Variants in TBCA observed in about 807,000 individuals in gnomAD.
The protein encoded by TBCA is tubulin folding cofactor A, also known as tubulin-specific chaperone A.
In TBCA, 6 loss-of-function variants were observed where a neutral mutation model predicts 15.8. The observed-to-expected ratio is 0.38, with a 90% CI of 0.21 to 0.75. TBCA has a LOEUF of 0.75. Among genes scored for constraint, TBCA ranks in the 30% least tolerant of loss-of-function variants. The pLI is 0.46. For synonymous variants in TBCA, 32 were observed against 42.3 expected (o/e 0.76, Z 0.94); for missense variants, 90 against 131.2 (o/e 0.69, Z 1.53).
At chr5:77,759,123 CAAT>C (rs1747546209) in intron 1 of TBCA, among the ~76,000 whole-genome samples, 1 of 152,120 alleles carries the variant, frequency 6.6e-6, no homozygotes, top group Non-Finnish European at 1.5e-5. Context: ...CCTACTGTAA[CAAT>C]AATATATCAG....
intron 2 of TBCA, among the ~76,000 whole-genome samples, chr5:77,696,587 A>G (rs71632934): frequency 0.08 from 12,172 of 152,266 alleles, 638 homozygotes; most frequent in Middle Eastern, 0.12. Flanking sequence ...GAAATAAAAA[A>G]TAAAAGGATG....
intron 2 of TBCA, among the ~76,000 whole-genome samples, chr5:77,701,037 G>C (rs1746000288): frequency 6.6e-6 from 1 of 151,824 alleles, no homozygotes; most frequent in Non-Finnish European, 1.5e-5. Context: ...AACCCAAAAG[G>C]AAATGTAATA....
chr5:77,693,534 C>A, intron 2 of TBCA, 182 bp from the exon 3 acceptor site: 1 of 750,080 alleles, frequency 1.3e-6, no homozygotes, highest in Non-Finnish European at 2.1e-6. Context: ...CACAGTGGCT[C>A]ACGCCTGTAA....
At chr5:77,740,972 G>A (rs1747017663) in intron 1 of TBCA, among the ~76,000 whole-genome samples, 1 of 152,136 alleles carries the variant, frequency 6.6e-6, no homozygotes. Flanking sequence ...AATAATAAGG[G>A]GGAAGAATAT....
At chr5:77,700,268 G>C (rs908326537) in intron 2 of TBCA, among the ~76,000 whole-genome samples, 6 of 151,870 alleles carry the variant, frequency 4.0e-5, no homozygotes, top group Non-Finnish European at 7.4e-5. Flanking sequence ...AGGATAAGAA[G>C]ACAAACTACA....
At chr5:77,774,138 G>C (rs1427168099) in intron 1 of TBCA, among the ~76,000 whole-genome samples, 1 of 152,254 alleles carries the variant, frequency 6.6e-6, no homozygotes, top group South Asian at 2.1e-4. Context: ...CATTAAAACA[G>C]ATCTTAAGGC....
At chr5:77,767,370 T>TA (rs1747803703) in intron 1 of TBCA, among the ~76,000 whole-genome samples, 1 of 152,110 alleles carries the variant, frequency 6.6e-6, no homozygotes, top group East Asian at 1.9e-4. Flanking sequence ...AGAACTCAGT[T>TA]AAAAAACAGT....
chr5:77,728,735 T>A (rs1182654994), intron 1 of TBCA, among the ~76,000 whole-genome samples: 2 of 152,028 alleles, frequency 1.3e-5, no homozygotes, highest in Non-Finnish European at 2.9e-5. Flanking sequence ...TAAGAAAAAA[T>A]TAACACTCAT....
At chr5:77,749,508 CTT>C (rs1431362304) in intron 1 of TBCA, among the ~76,000 whole-genome samples, 1 of 152,046 alleles carries the variant, frequency 6.6e-6, no homozygotes, top group African/African-American at 2.4e-5. Flanking sequence ...ACATACCTAA[CTT>C]TGTTTTAATT....
In TBCA at chr5:77,776,334, AT is replaced by A; in HGVS notation, c.-78del. The A allele has an allele frequency of 6.6e-7, 1 of 1,521,146 alleles. No homozygotes were observed. The highest frequency in any genetic ancestry group is 8.9e-7 in the Non-Finnish European group (1 of 1,124,032). 94.2% of individuals were successfully genotyped at this position (1,521,146 alleles called of 1,614,324 possible). On this transcript the variant is annotated 5_prime_UTR_variant, in exon 1 of 4. Transcript: ENST00000380377. Reference sequence around the variant, plus strand: ...AGGGCGACGCGCAGAGGCTGCGGCTATTTAGGCGTGGTCGCCGGCGCGCATG... The same window carrying A: ...AGGGCGACGCGCAGAGGCTGCGGCTATTAGGCGTGGTCGCCGGCGCGCATG...
chr5:77,699,893 C>T (rs1258474886), intron 2 of TBCA, among the ~76,000 whole-genome samples: 1 of 151,890 alleles, frequency 6.6e-6, no homozygotes, highest in Admixed American at 6.6e-5. Flanking sequence ...CAAAAATTAG[C>T]TGGGCATGGT....
intron 3 of TBCA, chr5:77,692,157 G>T: frequency 1.0e-6 from 1 of 984,592 alleles, no homozygotes; most frequent in Non-Finnish European, 1.2e-6. Context: ...AGGAAATTTT[G>T]TTTGATTTTT....
intron 1 of TBCA, among the ~76,000 whole-genome samples, chr5:77,758,354 C>T (rs1156601926): frequency 6.6e-6 from 1 of 152,158 alleles, no homozygotes; most frequent in African/African-American, 2.4e-5. Flanking sequence ...GGATTCCAGG[C>T]ATTGTAAAGA....
At chr5:77,701,362 A>C in intron 2 of TBCA, among the ~76,000 whole-genome samples, 1 of 152,176 alleles carries the variant, frequency 6.6e-6, no homozygotes, top group South Asian at 2.1e-4. Flanking sequence ...CAATGCAATA[A>C]CCACCTTATT....
At chr5:77,764,088 T>C (rs1460825259) in intron 1 of TBCA, among the ~76,000 whole-genome samples, 1 of 152,210 alleles carries the variant, frequency 6.6e-6, no homozygotes, top group African/African-American at 2.4e-5. Context: ...GGCTGAATCC[T>C]ATCAACATAG....
rs140911151 is a variant in TBCA, at chr5:77,699,825, G to A, written c.160-6473C>T. Among the ~76,000 whole-genome samples, 9 of 152,070 alleles carry A rather than the reference G, an allele frequency of 5.9e-5. No homozygotes were observed. In the East Asian group the frequency reaches 1.5e-3, roughly 26 times the overall value. Reference sequence around the variant, plus strand: ...GGCCAAGGCGGGCAGATCACTTGAGGTCAGGAGTTCGAGACCAGCCTGACC... The same window carrying A: ...GGCCAAGGCGGGCAGATCACTTGAGATCAGGAGTTCGAGACCAGCCTGACC... On this transcript the variant is annotated intron_variant, in intron 2 of 3. Coordinates refer to ENST00000380377, the MANE Select transcript of TBCA (RefSeq NM_004607.3).
At chr5:77,705,720 C>G in intron 2 of TBCA, 1 of 394,616 alleles carries the variant, frequency 2.5e-6, no homozygotes, top group Non-Finnish European at 4.5e-6. Context: ...CCCAGCTACT[C>G]TGGAGGCTGA....
At chr5:77,755,343 C>A (rs1437406263) in intron 1 of TBCA, among the ~76,000 whole-genome samples, 2 of 152,082 alleles carry the variant, frequency 1.3e-5, no homozygotes, top group Non-Finnish European at 2.9e-5. Flanking sequence ...CTTTGGGAGG[C>A]CAAGGTGAGC....
intron 1 of TBCA, among the ~76,000 whole-genome samples, chr5:77,724,085 G>A (rs1211787932): frequency 6.6e-6 from 1 of 151,926 alleles, no homozygotes; most frequent in African/African-American, 2.4e-5. Context: ...GCTTCTTTGT[G>A]TACACGAATC....
Sources: allele counts gnomAD v4.1 joint callset (sites outside exome capture counted in the v4.1 genomes callset), GRCh38; gene constraint gnomAD v4.1.1; transcripts MANE v1.5; gene names NCBI Gene and HGNC (gene_info 2026-07-23, HGNC 2026-07-21).